Variants in CASZ1 observed in about 807,000 individuals in gnomAD.
CASZ1 encodes zinc finger protein castor homolog 1.
CASZ1 carries 28 observed loss-of-function variants against 135.2 expected under a neutral mutation model. The ratio of observed to expected loss-of-function variants is 0.21; its 90% CI spans 0.15 to 0.28. The LOEUF (loss-of-function observed/expected upper bound fraction) is 0.28, where lower values mean the gene tolerates loss of function less well. Among genes scored for constraint, CASZ1 ranks in the 10% least tolerant of loss-of-function variants. The pLI is 1.00. For missense variants in CASZ1, 2,161 were observed against 2,453.3 expected, an observed-to-expected ratio of 0.88 and a Z score of 2.52; for synonymous variants, 1,068 against 1,073.4, an observed-to-expected ratio of 0.99 and a Z score of 0.10.
Position 10,660,219 on chromosome 1 carries a change from C to T in CASZ1, c.823G>A (p.Gly275Ser), listed in dbSNP as rs546577003. Residue 275 changes from glycine to serine, a missense_variant, in exon 6 of 21, where the codon GGC becomes AGC. Transcript: ENST00000377022. ...VGKEVVGTLPGLRLPSSTAHL... is the reference protein window; with the variant it reads ...VGKEVVGTLPSLRLPSSTAHL... ...GCCGTGCTGCTGGGCAGCCGCAGGC[C>T]GGGCAGGGTGCCCACCACCTCCTTG... 1.5e-5 allele frequency: 24 copies of T among 1,612,954 alleles called. No homozygotes were observed. Among genetic ancestry groups the T allele is most frequent in the South Asian group, 1.1e-4 (10 of 91,030 alleles).
chr1:10,712,525 C>G (rs1208909627), intron 2 of CASZ1, among the ~76,000 whole-genome samples: 4 of 152,120 alleles, frequency 2.6e-5, no homozygotes, highest in Non-Finnish European at 5.9e-5. Flanking sequence ...AGGGCAGGTG[C>G]TGGGGAAGCC....
intron 1 of CASZ1, among the ~76,000 whole-genome samples, chr1:10,771,329 T>C (rs1305988515): frequency 6.6e-6 from 1 of 152,026 alleles, no homozygotes; most frequent in Admixed American, 6.6e-5. Context: ...ATTATTATTA[T>C]TATTATGGAT....
At position 10,654,117 on chromosome 1, in the gene CASZ1, T is replaced by A; in HGVS notation, c.1940A>T (p.Lys647Met). 6.2e-7 allele frequency: 1 copy of A among 1,614,238 alleles called. No individual in the cohort carries two copies. Among genetic ancestry groups the A allele is most frequent in the Non-Finnish European group, 8.5e-7 (1 of 1,180,040 alleles). The change falls in exon 11 of 21, where the codon AAG becomes ATG. Residue 647 changes from lysine to methionine, a missense_variant. By Grantham distance (95) the Lys-to-Met change is moderately conservative (BLOSUM62 -1). Around this residue, in one of 7 missense-constraint regions of CASZ1, gnomAD observed 248 missense variants for 410.8 expected, o/e 0.60. Coordinates refer to ENST00000377022, the MANE Select transcript of CASZ1 (RefSeq NM_001079843.3). ...CTTGCACTCCTCGTACTTGTAGAAC[T>A]TCTTGAAGCCGTCCTTGGCGTAGGC... ...DDAYAKDGFK[K>M]FYKYEECKYE...
chr1:10,655,670 G>A lies in CASZ1; in HGVS notation c.1644C>T (p.Ser548=), dbSNP rs1323733574. ...YYHGCHLNGK[S]THYHCMQVGC... ...GCACCTGCATGCAGTGATAGTGGGT[G>A]CTCTTCCCATTGAGGTGGCAGCCGT... Residue 548 remains serine (S), a synonymous_variant, in exon 9 of 21, where the codon AGC becomes AGT. Transcript: ENST00000377022. 1.9e-6 allele frequency: 3 copies of A among 1,613,572 alleles called. No individual in the cohort carries two copies. Among genetic ancestry groups the A allele is most frequent in the African/African-American group, 2.7e-5 (2 of 74,946 alleles).
rs1639029812 is a variant in CASZ1, at chr1:10,700,102, C to CACACACACACACACACACACAT, written c.-24+5389_-24+5390insATGTGTGTGTGTGTGTGTGTGT. ...AGAGACACACACACACACACACACA[C>CACACACACACACACACACACAT]ACACACACACACACAGAGTATGAAG... On this transcript the variant is annotated intron_variant, in intron 3 of 20. Coordinates refer to ENST00000377022, the MANE Select transcript of CASZ1 (RefSeq NM_001079843.3). This position sits in a 1 kb window ranked among gnomAD's most constrained non-coding sequence, Gnocchi z 4.2. Among the ~76,000 whole-genome samples, 1 of 151,838 alleles carries CACACACACACACACACACACAT rather than the reference C, an allele frequency of 6.6e-6. No homozygotes were observed. The highest frequency in any genetic ancestry group is 2.4e-5 in the African/African-American group (1 of 41,314).
chr1:10,685,288 G>C (rs1638549767), intron 4 of CASZ1, among the ~76,000 whole-genome samples: 1 of 152,228 alleles, frequency 6.6e-6, no homozygotes, highest in Admixed American at 6.5e-5. Flanking sequence ...GGGGCACACT[G>C]TCATCTCTGA....
chr1:10,731,457 C>T (rs115759513), intron 2 of CASZ1, among the ~76,000 whole-genome samples: 4 of 150,904 alleles, frequency 2.7e-5, no homozygotes, highest in African/African-American at 7.3e-5. Flanking sequence ...TTGTGGCATG[C>T]GCCTGTGCTC....
rs1376400229 is a variant in CASZ1, at chr1:10,665,312, C to T, written c.276G>A (p.Val92=). ...CCGGCTCCTCGCTGTACTCCCCGTT[C>T]ACCCACTTCTCGATCACTGCCCGTC... ...DKRRAVIEKW[V]NGEYSEEPAP... Residue 92 remains valine, a synonymous_variant, in exon 5 of 21, where the codon GTG becomes GTA. Coordinates refer to ENST00000377022, the MANE Select transcript of CASZ1 (RefSeq NM_001079843.3). 1.2e-6 allele frequency: 2 copies of T among 1,612,740 alleles called. No individual in the cohort carries two copies. The highest frequency in any genetic ancestry group is 1.7e-6 in the Non-Finnish European group (2 of 1,179,242).
chr1:10,772,103 C>T (rs566257768), intron 1 of CASZ1, among the ~76,000 whole-genome samples: 7 of 152,226 alleles, frequency 4.6e-5, no homozygotes, highest in African/African-American at 1.7e-4. Flanking sequence ...GGTGAGGAGA[C>T]CTGGAGAGAA....
intron 11 of CASZ1, chr1:10,652,563 A>G (rs1433295654): frequency 1.3e-5 from 2 of 152,274 alleles, no homozygotes; most frequent in African/African-American, 4.8e-5. Context: ...GTAAACAGAA[A>G]ACACCCTCAC....
At chr1:10,658,360 T>G (rs1423518028) in intron 7 of CASZ1, 148 bp downstream of exon 7, 3 of 655,784 alleles carry the variant, frequency 4.6e-6, no homozygotes, top group Non-Finnish European at 5.5e-6. Flanking sequence ...CAGCCCTCGG[T>G]GCGGTGGAGG....
At chr1:10,764,817 C>T (rs205486) in intron 1 of CASZ1, among the ~76,000 whole-genome samples, 3,399 of 152,266 alleles carry the variant, frequency 0.022, 123 homozygotes, top group African/African-American at 0.076. Context: ...TGCTTCTGGC[C>T]GGGCTGAAAA....
At position 10,724,259 on chromosome 1, in the gene CASZ1, G is replaced by T. The variant is rs564274924; in HGVS notation, c.-76-18715C>A. ...CCAGCAAATCATTTCCCAGAGCCAC[G>T]GCCCCCTCCCCAGCACCAAGAACCT... On this transcript the variant is annotated intron_variant, in intron 2 of 20. Transcript: ENST00000377022. This position sits in a 1 kb window ranked among gnomAD's most constrained non-coding sequence, Gnocchi z 4.1. 3.9e-3 allele frequency among the ~76,000 whole-genome samples: 601 copies of T among 152,234 alleles called. 6 individuals are homozygous for T. Among genetic ancestry groups the T allele is most frequent in the African/African-American group, 0.014 (579 of 41,548 alleles).
intron 5 of CASZ1, chr1:10,661,403 TCA>T (rs1557481131): frequency 1.4e-5 from 2 of 147,350 alleles, no homozygotes; most frequent in Non-Finnish European, 3.1e-5. Context: ...CAACACACAC[TCA>T]CACACACAAA....
Position 10,694,268 on chromosome 1 carries a change from G to A in CASZ1, c.-23-356C>T. On this transcript the variant is annotated intron_variant, in intron 3 of 20. Transcript: ENST00000377022. The surrounding 1 kb of genome is among the most constrained non-coding windows in gnomAD (Gnocchi z 6.6). ...TCGCCGCCCGAGACCGCGGCCCCCG[G>A]GCCTCCCCCGCCCGCGCCCGGTACT... 9.7e-7 allele frequency: 1 copy of A among 1,032,660 alleles called. No individual in the cohort carries two copies. Among genetic ancestry groups the A allele is most frequent in the Non-Finnish European group, 1.2e-6 (1 of 850,478 alleles). 64.0% of individuals were successfully genotyped at this position (1,032,660 alleles called of 1,614,324 possible).
At chr1:10,748,614 A>T (rs1006503473) in intron 2 of CASZ1, among the ~76,000 whole-genome samples, 2 of 151,906 alleles carry the variant, frequency 1.3e-5, no homozygotes, top group African/African-American at 4.8e-5. Flanking sequence ...TCTCCATGGT[A>T]CCTCTTTCTC....
chr1:10,722,976 C>T (rs971516605), intron 2 of CASZ1, among the ~76,000 whole-genome samples: 3 of 152,266 alleles, frequency 2.0e-5, no homozygotes, highest in South Asian at 4.1e-4. Context: ...GGAGGTGAGC[C>T]GGGTCTGCCA....
rs1283199315 is a variant in CASZ1 at position 10,700,028 on chromosome 1, G to GAGAGAGACAGAGAGAGAGAGAA, written c.-24+5442_-24+5463dup. On this transcript the variant is annotated intron_variant, in intron 3 of 20. Coordinates refer to ENST00000377022, the MANE Select transcript of CASZ1 (RefSeq NM_001079843.3). This position sits in a 1 kb window ranked among gnomAD's most constrained non-coding sequence, Gnocchi z 4.2. ...AGAGAAACAGAGACAGAGAAAGAGA[G>GAGAGAGACAGAGAGAGAGAGAA]AGAGAGACAGAGAGAGAGAGAAAGA... 6.6e-6 allele frequency among the ~76,000 whole-genome samples: 1 copy of GAGAGAGACAGAGAGAGAGAGAA among 151,130 alleles called. No homozygotes were observed. The highest frequency in any genetic ancestry group is 1.9e-4 in the East Asian group (1 of 5,164).
At position 10,654,538 on chromosome 1, in the gene CASZ1, G is replaced by T; in HGVS notation, c.1719C>A (p.Asn573Lys). 6.2e-7 allele frequency: 1 copy of T among 1,614,268 alleles called. No individual in the cohort carries two copies. Among genetic ancestry groups the T allele is most frequent in the Non-Finnish European group, 8.5e-7 (1 of 1,180,048 alleles). Residue 573 changes from asparagine (N) to lysine (K), a missense_variant, in exon 10 of 21, where the codon AAC becomes AAA. By Grantham distance (94) the Asn-to-Lys change is moderately conservative (BLOSUM62 0). This residue lies in a region of CASZ1 where 248 missense variants were observed against 410.8 expected (regional missense o/e 0.60). Transcript: ENST00000377022. ...TGAGCTGGGTATTCTTCTTGTGGAAGTTCTCGTGGGTCATCACGTCAGACG... is the reference window on the plus strand; with the variant it reads ...TGAGCTGGGTATTCTTCTTGTGGAATTTCTCGTGGGTCATCACGTCAGACG... ...TSTSDVMTHENFHKKNTQLIN... is the reference protein window; with the variant it reads ...TSTSDVMTHEKFHKKNTQLIN...
Sources: allele counts gnomAD v4.1 joint callset (sites outside exome capture counted in the v4.1 genomes callset), GRCh38; gene constraint gnomAD v4.1.1; regional missense constraint gnomAD v4.1.1; non-coding constraint Gnocchi (gnomAD v3.1); transcripts MANE v1.5; gene names NCBI Gene and HGNC (gene_info 2026-07-23, HGNC 2026-07-21).